Variants in PJA2 observed in about 807,000 individuals in gnomAD.
The protein encoded by PJA2 is E3 ubiquitin-protein ligase Praja-2.
Under a neutral mutation model 69.3 loss-of-function variants are expected in PJA2, and 25 were observed. The ratio of observed to expected loss-of-function variants is 0.36; its 90% CI spans 0.26 to 0.50. The LOEUF (loss-of-function observed/expected upper bound fraction) is 0.50, where lower values mean the gene tolerates loss of function less well. Ranked by LOEUF, PJA2 falls within the 20% of genes least tolerant of loss-of-function variation. PJA2 has a pLI of 0.96. For synonymous variants in PJA2, 308 were observed against 277.8 expected, an observed-to-expected ratio of 1.11 and a Z score of -1.08; for missense variants, 809 against 830.2, an observed-to-expected ratio of 0.97 and a Z score of 0.31.
At chr5:109,358,119 A>G (rs1210250715) in intron 6 of PJA2, among the ~76,000 whole-genome samples, 1 of 152,208 alleles carries the variant, frequency 6.6e-6, no homozygotes, top group African/African-American at 2.4e-5. Flanking sequence ...CTGCAGCACT[A>G]TGACATGTTC....
chr5:109,389,992 T>C (rs1316777684), intron 1 of PJA2, among the ~76,000 whole-genome samples: 3 of 151,932 alleles, frequency 2.0e-5, no homozygotes, highest in East Asian at 1.9e-4. Flanking sequence ...TGAAGATTAA[T>C]GATACTACTT....
chr5:109,354,934 A>C (rs1185975616), intron 7 of PJA2, among the ~76,000 whole-genome samples: 1 of 151,590 alleles, frequency 6.6e-6, no homozygotes, highest in Non-Finnish European at 1.5e-5. Context: ...GGGTAACATA[A>C]TTGGACCCTA....
In PJA2 at chr5:109,354,422, CTATGATATCTAGAGATGTCTATAGATTA is replaced by C. The variant is rs1561346288; in HGVS notation, c.1764+1465_1764+1492del. On this transcript the variant is annotated intron_variant, in intron 7 of 9. Transcript: ENST00000361189. The stretch of plus-strand genomic sequence containing the variant: ...CTAGAGATATCTATAGATTAGATAT[CTATGATATCTAGAGATGTCTATAGATTA>C]GATATCTATGATATCTAGAGATATC... 1.6e-4 allele frequency among the ~76,000 whole-genome samples: 22 copies of C among 141,210 alleles called. 1 individual carries two copies. Among genetic ancestry groups the C allele is most frequent in the South Asian group, 2.2e-4 (1 of 4,454 alleles). 92.6% of individuals were successfully genotyped at this position (141,210 alleles called of 152,430 possible).
chr5:109,381,772 A>AT, intron 2 of PJA2, 69 bp from the exon 3 acceptor site: 4 of 1,295,322 alleles, frequency 3.1e-6, no homozygotes, highest in Non-Finnish European at 4.4e-6. Flanking sequence ...TGTTGGGGAA[A>AT]ACTACTTCAG....
intron 7 of PJA2, among the ~76,000 whole-genome samples, chr5:109,353,214 A>T (rs1319371937): frequency 2.1e-5 from 3 of 142,822 alleles, no homozygotes; most frequent in Non-Finnish European, 4.5e-5. Context: ...TAATATCTAT[A>T]GATATCTATA....
intron 1 of PJA2, among the ~76,000 whole-genome samples, chr5:109,396,964 T>C (rs1037879463): frequency 3.3e-5 from 5 of 152,222 alleles, no homozygotes; most frequent in Non-Finnish European, 5.9e-5. Flanking sequence ...TTGTGCCATC[T>C]TCCAAAATTC....
chr5:109,375,076 A>G (rs1482563324), intron 4 of PJA2, among the ~76,000 whole-genome samples: 1 of 152,238 alleles, frequency 6.6e-6, no homozygotes, highest in Non-Finnish European at 1.5e-5. Context: ...TTTATCCCAC[A>G]GAGTGTAACA....
intron 9 of PJA2, among the ~76,000 whole-genome samples, chr5:109,337,798 CATTTATGATTTGGTGTGAATT>C (rs1332701546): frequency 3.3e-5 from 5 of 151,878 alleles, no homozygotes; most frequent in African/African-American, 7.3e-5. Context: ...CACACCAAAT[CATTTATGATTTGGTGTGAATT>C]AAAGAAGGTC....
chr5:109,397,210 G>A (rs941905285), intron 1 of PJA2, among the ~76,000 whole-genome samples: 2 of 152,144 alleles, frequency 1.3e-5, no homozygotes, highest in African/African-American at 2.4e-5. Flanking sequence ...GAACATCCAG[G>A]CTCTAGAATT....
chr5:109,392,504 T>C (rs543862380), intron 1 of PJA2, among the ~76,000 whole-genome samples: 30 of 141,492 alleles, frequency 2.1e-4, no homozygotes, highest in Non-Finnish European at 3.7e-4. Context: ...GAGGTTGCAG[T>C]GAGCCAAGAC....
rs746465983 is a variant in PJA2 at position 109,344,850 on chromosome 5, G to A, written c.1765-31C>T. On this transcript the variant is annotated intron_variant, in intron 7 of 9. Coordinates refer to ENST00000361189, the MANE Select transcript of PJA2 (RefSeq NM_014819.5). ...AAACAAAAGGTACAGTTCTTTGTTA[G>A]AAATACTTTAAAACAGTAACAGAAA... 2.8e-6 allele frequency: 4 copies of A among 1,404,762 alleles called. 1 individual carries two copies. The South Asian group carries it at 4.9e-5, about 17-fold the overall frequency. The allele number at this position is 1,404,762 out of a possible 1,614,324, so 87.0% of individuals were successfully genotyped here.
intron 1 of PJA2, among the ~76,000 whole-genome samples, chr5:109,391,888 C>G (rs1315801795): frequency 6.6e-6 from 1 of 152,090 alleles, no homozygotes; most frequent in Non-Finnish European, 1.5e-5. Context: ...CTATAAACAT[C>G]AAATCCCTAG....
chr5:109,351,839 TTGTTTC>T (rs1218830427), intron 7 of PJA2, among the ~76,000 whole-genome samples: 1 of 152,130 alleles, frequency 6.6e-6, no homozygotes, highest in Non-Finnish European at 1.5e-5. Context: ...TGTTTTGTTT[TTGTTTC>T]ATTTAAAGAG....
chr5:109,400,748 G>C (rs1747524411), intron 1 of PJA2, among the ~76,000 whole-genome samples: 1 of 152,086 alleles, frequency 6.6e-6, no homozygotes, highest in African/African-American at 2.4e-5. Flanking sequence ...GGGAGGCAGA[G>C]GCAGGTGGAT....
chr5:109,337,451 TAA>T (rs1291332955), intron 9 of PJA2, 95 bp from the exon 10 acceptor site: 4 of 1,365,346 alleles, frequency 2.9e-6, no homozygotes, highest in Non-Finnish European at 3.9e-6. Flanking sequence ...ATCCTAATAA[TAA>T]GACTCTTAAC....
chr5:109,364,579 C>T (rs1451586687), intron 5 of PJA2, among the ~76,000 whole-genome samples: 2 of 148,672 alleles, frequency 1.3e-5, no homozygotes, highest in South Asian at 2.1e-4. Flanking sequence ...GCCGAGATCC[C>T]GCCACTGCAC....
rs565989829 is a variant in PJA2, at chr5:109,334,725, C to T, written c.*2506G>A. On this transcript the variant is annotated 3_prime_UTR_variant, in exon 10 of 10. Coordinates refer to ENST00000361189, the MANE Select transcript of PJA2 (RefSeq NM_014819.5). ...ACAATTAAATATTAGAAATGACCAC[C>T]GAGTATATTCTGTTTATTGTTTATG... 2 of 152,536 alleles carry T rather than the reference C, an allele frequency of 1.3e-5. No homozygotes were observed. The highest frequency in any genetic ancestry group is 2.4e-5 in the African/African-American group (1 of 41,474). The allele number at this position is 152,536 out of a possible 1,614,324, so 9.4% of individuals were successfully genotyped here.
chr5:109,373,507 T>C (rs1762710729), intron 4 of PJA2, among the ~76,000 whole-genome samples: 1 of 152,098 alleles, frequency 6.6e-6, no homozygotes, highest in Non-Finnish European at 1.5e-5. Flanking sequence ...AGCTAACCAT[T>C]AGGAGTGACA....
intron 7 of PJA2, among the ~76,000 whole-genome samples, chr5:109,352,761 G>A (rs943402443): frequency 6.6e-6 from 1 of 151,322 alleles, no homozygotes; most frequent in Non-Finnish European, 1.5e-5. Context: ...GTGCACAGAT[G>A]GACAGATATC....
Sources: allele counts gnomAD v4.1 joint callset (sites outside exome capture counted in the v4.1 genomes callset), GRCh38; gene constraint gnomAD v4.1.1; transcripts MANE v1.5; gene names NCBI Gene and HGNC (gene_info 2026-07-23, HGNC 2026-07-21).